Variants in SIL1 observed in about 807,000 individuals in gnomAD.
SIL1 encodes the protein SIL1 nucleotide exchange factor.
SIL1 carries 40 observed loss-of-function variants against 49.1 expected under a neutral mutation model. That is an observed-to-expected ratio of 0.81 (90% CI 0.63 to 1.06). SIL1 has a LOEUF of 1.06. Among genes scored for constraint, SIL1 ranks in the 50% least tolerant of loss-of-function variants. The pLI is 0.00. For synonymous variants in SIL1, 253 were observed against 250.8 expected, an observed-to-expected ratio of 1.01 and a Z score of -0.08; for missense variants, 500 against 572.6, an observed-to-expected ratio of 0.87 and a Z score of 1.29.
intron 3 of SIL1, among the ~76,000 whole-genome samples, chr5:139,058,971 T>TGTGTGTGTGTGTGG (rs1491499666): frequency 1.9e-5 from 1 of 53,138 alleles, no homozygotes; most frequent in African/African-American, 1.4e-4. Context: ...GAAATGTGTA[T>TGTGTGTGTGTGTGG]GTGTGTGTGT....
chr5:139,182,573 C>T (rs1264006863), intron 1 of SIL1, among the ~76,000 whole-genome samples: 1 of 152,036 alleles, frequency 6.6e-6, no homozygotes, highest in African/African-American at 2.4e-5. Flanking sequence ...ATAAAGGGAG[C>T]CAAGAGAATA....
chr5:139,017,610 G>A (rs1220333833), intron 7 of SIL1, among the ~76,000 whole-genome samples: 1 of 152,138 alleles, frequency 6.6e-6, no homozygotes, highest in Non-Finnish European at 1.5e-5. Flanking sequence ...CAAAGTCAGT[G>A]TTACATGGGG....
At chr5:138,978,635 T>C (rs984053564) in intron 7 of SIL1, among the ~76,000 whole-genome samples, 1 of 152,224 alleles carries the variant, frequency 6.6e-6, no homozygotes, top group Non-Finnish European at 1.5e-5. Context: ...AATGGTTGGA[T>C]CAATTTACAT....
intron 7 of SIL1, among the ~76,000 whole-genome samples, chr5:138,996,062 T>C (rs890318518): frequency 5.9e-5 from 9 of 152,252 alleles, no homozygotes; most frequent in African/African-American, 1.9e-4. Flanking sequence ...CCCAGCAGAA[T>C]TGCTGGATTA....
chr5:139,054,801 G>C (rs1769371092), intron 3 of SIL1, among the ~76,000 whole-genome samples: 1 of 152,122 alleles, frequency 6.6e-6, no homozygotes, highest in South Asian at 2.1e-4. Context: ...GGGGGCAAGA[G>C]CAACCACAAC....
chr5:139,060,518 C>T (rs1053505367), intron 3 of SIL1, among the ~76,000 whole-genome samples: 15 of 150,922 alleles, frequency 9.9e-5, no homozygotes, highest in Non-Finnish European at 1.6e-4. Context: ...GGCCTTAGTC[C>T]TCCAATTTTT....
rs565224873 is a variant in SIL1, at chr5:138,948,627, C to T, written c.1030-1154G>A. Among the ~76,000 whole-genome samples, 55 of 1,092 alleles carry T rather than the reference C, an allele frequency of 0.05. 1 individual carries two copies. Among genetic ancestry groups the T allele is most frequent in the Middle Eastern group, 0.33 (4 of 12 alleles). The allele number at this position is 1,092 out of a possible 152,430, so 0.7% of individuals were successfully genotyped here. A position where few individuals can be genotyped will look rare whatever the true frequency, so the allele number is the denominator to read the frequency against. Reference sequence around the variant, plus strand: ...GAGGCGCAGCTCCGACTTCCAGGTGCACCCCCGCATTGGCCCCATTCACTC... The same window carrying T: ...GAGGCGCAGCTCCGACTTCCAGGTGTACCCCCGCATTGGCCCCATTCACTC... On this transcript the variant is annotated intron_variant, in intron 9 of 9. Transcript: ENST00000394817. The surrounding 1 kb of genome is among the most constrained non-coding windows in gnomAD (Gnocchi z 4.8).
chr5:138,989,625 G>A (rs1423020603), intron 7 of SIL1, among the ~76,000 whole-genome samples: 2 of 152,072 alleles, frequency 1.3e-5, no homozygotes, highest in African/African-American at 2.4e-5. Flanking sequence ...AACAAGGGCC[G>A]CACTCCTTTA....
intron 1 of SIL1, 50 bp from the exon 2 acceptor site, chr5:139,127,903 GGT>G (rs1270489546): frequency 1.7e-6 from 2 of 1,178,806 alleles, no homozygotes; most frequent in African/African-American, 3.1e-5. Context: ...GCTAATGCTT[GGT>G]TCCCCCGCAC....
chr5:139,114,283 C>T (rs1770939141), intron 3 of SIL1, among the ~76,000 whole-genome samples: 1 of 152,180 alleles, frequency 6.6e-6, no homozygotes, highest in Non-Finnish European at 1.5e-5. Context: ...GATTTAGCTG[C>T]TGAGGGGCAG....
chr5:139,087,764 C>A (rs570244178), intron 3 of SIL1, among the ~76,000 whole-genome samples: 2 of 152,040 alleles, frequency 1.3e-5, no homozygotes, highest in Non-Finnish European at 2.9e-5. Flanking sequence ...TGGGTATGGA[C>A]CCTAGAGTTT....
At chr5:139,188,530 G>A (rs1752114888) in intron 1 of SIL1, among the ~76,000 whole-genome samples, 1 of 152,122 alleles carries the variant, frequency 6.6e-6, no homozygotes, top group South Asian at 2.1e-4. Context: ...AATGGGATTG[G>A]CTCCAGGGGC....
Position 139,042,808 on chromosome 5 carries a change from T to C in SIL1, c.354-89A>G. 19 of 1,159,300 alleles carry C rather than the reference T, an allele frequency of 1.6e-5. No individual in the cohort carries two copies. In the South Asian group the frequency reaches 2.1e-4, roughly 13 times the overall value. The allele number at this position is 1,159,300 out of a possible 1,614,324, so 71.8% of individuals were successfully genotyped here. A position where few individuals can be genotyped will look rare whatever the true frequency, so the allele number is the denominator to read the frequency against. ...ATCCCAGTACTCTGGGTGGCCAAGA[T>C]GGAAGGATACCAAGATCCCATCTCT... On this transcript the variant is annotated intron_variant, in intron 4 of 9. Coordinates refer to ENST00000394817, the MANE Select transcript of SIL1 (RefSeq NM_022464.5).
intron 3 of SIL1, among the ~76,000 whole-genome samples, chr5:139,092,929 C>T (rs1010957210): frequency 6.6e-6 from 1 of 152,110 alleles, no homozygotes; most frequent in African/African-American, 2.4e-5. Context: ...GAGGGCTTTG[C>T]CCTCATGAAT....
At chr5:139,076,653 G>C (rs1162302056) in intron 3 of SIL1, among the ~76,000 whole-genome samples, 1 of 152,160 alleles carries the variant, frequency 6.6e-6, no homozygotes, top group African/African-American at 2.4e-5. Context: ...TAACAAGTGA[G>C]TAGACATAAA....
At chr5:139,066,975 T>G (rs1359163095) in intron 3 of SIL1, among the ~76,000 whole-genome samples, 1 of 152,198 alleles carries the variant, frequency 6.6e-6, no homozygotes, top group East Asian at 1.9e-4. Flanking sequence ...TTATAATACT[T>G]GCCAAGTTTT....
chr5:139,103,777 C>T (rs1371292395), intron 3 of SIL1, among the ~76,000 whole-genome samples: 1 of 152,190 alleles, frequency 6.6e-6, no homozygotes, highest in East Asian at 1.9e-4. Flanking sequence ...CAAGGGAAGC[C>T]AGGACCCTGA....
intron 3 of SIL1, among the ~76,000 whole-genome samples, chr5:139,082,870 G>T (rs1770117101): frequency 6.6e-6 from 1 of 152,204 alleles, no homozygotes; most frequent in Admixed American, 6.5e-5. Context: ...AAGCCCATCA[G>T]ATCAGCCCCA....
At chr5:139,012,994 G>A (rs1300825908) in intron 7 of SIL1, among the ~76,000 whole-genome samples, 1 of 152,128 alleles carries the variant, frequency 6.6e-6, no homozygotes, top group South Asian at 2.1e-4. Context: ...AACTATAATT[G>A]GCTGATATTC....
Sources: gnomAD v4.1 joint callset for allele counts (sites outside exome capture counted in the v4.1 genomes callset) on GRCh38, gnomAD v4.1.1 for gene constraint, Gnocchi (gnomAD v3.1) non-coding constraint, MANE v1.5 for transcripts, NCBI Gene and HGNC (gene_info 2026-07-23, HGNC 2026-07-21) for gene names.